Variants in SNAI3 observed in about 807,000 individuals in gnomAD.
SNAI3 encodes the protein zinc finger protein SNAI3.
SNAI3 carries 21 observed loss-of-function variants against 16.4 expected under a neutral mutation model. The ratio of observed to expected loss-of-function variants is 1.28; its 90% CI spans 0.91 to 1.85. The LOEUF is 1.85. Among genes scored for constraint, SNAI3 ranks in the 40% most tolerant of loss-of-function variants. The pLI, the probability that SNAI3 is intolerant of heterozygous loss-of-function variation, is 0.00. For synonymous variants in SNAI3, 202 were observed against 166.6 expected (o/e 1.21, Z -1.64); for missense variants, 457 against 372.8 (o/e 1.23, Z -1.86).
Position 88,681,652 on chromosome 16 carries a change from C to T in SNAI3, c.139G>A (p.Glu47Lys). ...LVVPLLPRDK[E>K]APSVPGDLPQ... Reference sequence around the variant, plus strand: ...AGGTCACCGGGCACAGAAGGGGCCTCCTTGTCTCGGGGGAGGAGGGGCACC... The same window carrying T: ...AGGTCACCGGGCACAGAAGGGGCCTTCTTGTCTCGGGGGAGGAGGGGCACC... The change falls in exon 2 of 3, where the codon GAG (glutamate) becomes AAG (lysine). Residue 47 changes from glutamate (E) to lysine (K), a missense_variant. By Grantham distance (56) the Glu-to-Lys change is moderately conservative. Transcript: ENST00000332281. This position sits in a 1 kb window ranked among gnomAD's most constrained non-coding sequence, Gnocchi z 5.4. The T allele has an allele frequency of 1.4e-6, 2 of 1,463,364 alleles. No homozygotes were observed. The highest frequency in any genetic ancestry group is 2.4e-5 in the East Asian group (1 of 41,702). The allele number at this position is 1,463,364 out of a possible 1,614,324, so 90.6% of individuals were successfully genotyped here. A position where few individuals can be genotyped will look rare whatever the true frequency, so the allele number is the denominator to read the frequency against.
At chr16:88,685,175 A>G (rs995101484) in intron 1 of SNAI3, 1 of 152,238 alleles carries the variant, frequency 6.6e-6, no homozygotes, top group Non-Finnish European at 1.5e-5. Context: ...CATACACATA[A>G]CAGAAGCCAG....
At chr16:88,682,076 T>A (rs1909192973) in intron 1 of SNAI3, among the ~76,000 whole-genome samples, 1 of 152,186 alleles carries the variant, frequency 6.6e-6, no homozygotes, top group South Asian at 2.1e-4. Context: ...GACCCTCTGA[T>A]GAGCCCCACC....
chr16:88,678,911 T>C (rs780595290), intron 2 of SNAI3: 249 of 985,280 alleles, frequency 2.5e-4, no homozygotes, highest in Non-Finnish European at 2.9e-4. Context: ...TGGGGGCCTC[T>C]GGCAGCTGTT....
Position 88,681,094 on chromosome 16 carries a change from C to T in SNAI3, c.697G>A (p.Gly233Arg). ...CTTGCAGACCTTCACCCTGTCCTAC[C>T]TGTGTGGGTGCGGACATGGCCCTGC... ...LLQGHVRTHT[G>R]EKPYACSHCS... Residue 233 changes from glycine to arginine, a missense_variant and splice_region_variant, in exon 2 of 3, where the codon GGG becomes AGG. Transcript: ENST00000332281. The surrounding 1 kb of genome is among the most constrained non-coding windows in gnomAD (Gnocchi z 5.4). 1.9e-6 allele frequency: 3 copies of T among 1,607,708 alleles called. No homozygotes were observed. The highest frequency in any genetic ancestry group is 2.6e-6 in the Non-Finnish European group (3 of 1,175,552).
In SNAI3 at chr16:88,681,567, C is replaced by A; in HGVS notation, c.224G>T (p.Arg75Leu). The part of the protein sequence containing the change: ...VACISLPLLP[R>L]IEEALGASGL... ...AGAGGCCCCCAGAGCTTCCTCGATCCGTGGCAGGAGGGGCAGGGAGATGCA... is the reference window on the plus strand; with the variant it reads ...AGAGGCCCCCAGAGCTTCCTCGATCAGTGGCAGGAGGGGCAGGGAGATGCA... The change falls in exon 2 of 3, where the codon CGG becomes CTG. Residue 75 changes from arginine to leucine, a missense_variant. By Grantham distance (102) the Arg-to-Leu change is moderately radical. Transcript: ENST00000332281. The surrounding 1 kb of genome is among the most constrained non-coding windows in gnomAD (Gnocchi z 5.4). 6.6e-7 allele frequency: 1 copy of A among 1,508,104 alleles called. No individual in the cohort carries two copies. The highest frequency in any genetic ancestry group is 1.4e-5 in the African/African-American group (1 of 71,636). 93.4% of individuals were successfully genotyped at this position (1,508,104 alleles called of 1,614,324 possible).
chr16:88,678,558 G>T lies in SNAI3; in HGVS notation c.769C>A (p.Gln257Lys). 1.2e-6 allele frequency: 1 copy of T among 837,998 alleles called. No individual in the cohort carries two copies. The allele number at this position is 837,998 out of a possible 1,614,324, so 51.9% of individuals were successfully genotyped here. ...ADRSNLRAHL[Q>K]THSDAKKYRC... is the part of the protein sequence containing the mutation. Reference sequence around the variant, plus strand: ...TACTTCTTGGCGTCTGAGTGCGTTTGCAGATGGGCCCGAAGGTTGGAGCGG... The same window carrying T: ...TACTTCTTGGCGTCTGAGTGCGTTTTCAGATGGGCCCGAAGGTTGGAGCGG... The change falls in exon 3 of 3, where the codon CAA becomes AAA. Residue 257 changes from glutamine to lysine, a missense_variant. Transcript: ENST00000332281.
intron 1 of SNAI3, among the ~76,000 whole-genome samples, chr16:88,682,762 ATTTTTTTTTTTTTT>A (rs71158747): frequency 5.3e-4 from 32 of 60,658 alleles, no homozygotes; most frequent in Non-Finnish European, 5.4e-4. Flanking sequence ...TGGGCAAGGG[ATTTTTTTTTTTTTT>A]TTTTTTTTTT....
intron 2 of SNAI3, among the ~76,000 whole-genome samples, chr16:88,680,139 TTA>T (rs1909116084): frequency 6.6e-6 from 1 of 151,818 alleles, no homozygotes; most frequent in African/African-American, 2.4e-5. Context: ...AGACTGAAGC[TTA>T]TTCCTGGCGC....
In SNAI3 at chr16:88,681,184, G is replaced by T; in HGVS notation, c.607C>A (p.Arg203Ser). Residue 203 changes from arginine to serine, a missense_variant, in exon 2 of 3, where the codon CGC becomes AGC. Physicochemically the swap from Arg to Ser is moderately radical, Grantham distance 110. Coordinates refer to ENST00000332281, the MANE Select transcript of SNAI3 (RefSeq NM_178310.4). This position sits in a 1 kb window ranked among gnomAD's most constrained non-coding sequence, Gnocchi z 5.4. ...CAGGTGCAGGGCAGCGTGTGAGTGC[G>T]GATGTGCATCTTGAGGGCACCCAGG... ...TSLGALKMHIRTHTLPCTCKI... is the reference protein window; with the variant it reads ...TSLGALKMHISTHTLPCTCKI... 1 of 1,613,918 alleles carries T rather than the reference G, an allele frequency of 6.2e-7. No individual in the cohort carries two copies.
In SNAI3 at chr16:88,679,127, C is replaced by G. The variant is rs1909074551; in HGVS notation, c.698-498G>C. 8 of 983,056 alleles carry G rather than the reference C, an allele frequency of 8.1e-6. No individual in the cohort carries two copies. The South Asian group carries it at 2.8e-4, about 35-fold the overall frequency. The allele number at this position is 983,056 out of a possible 1,614,324, so 60.9% of individuals were successfully genotyped here. On this transcript the variant is annotated intron_variant, in intron 2 of 2. Transcript: ENST00000332281. ...GGAATCGTTTGTTCATTCCTGTAGC[C>G]CCATAGAGTCCTGAGAGACCTCAGC...
At chr16:88,680,393 C>T (rs1909126650) in intron 2 of SNAI3, among the ~76,000 whole-genome samples, 1 of 128,812 alleles carries the variant, frequency 7.8e-6, no homozygotes, top group African/African-American at 2.9e-5. Context: ...TCAAATGATT[C>T]TCCTGCCTCA....
intron 2 of SNAI3, among the ~76,000 whole-genome samples, chr16:88,679,481 G>C (rs1373065521): frequency 6.6e-6 from 1 of 152,206 alleles, no homozygotes; most frequent in Non-Finnish European, 1.5e-5. Flanking sequence ...GAACTAGCAG[G>C]CCGGGCGCAG....
At chr16:88,683,579 T>G (rs1302914036) in intron 1 of SNAI3, among the ~76,000 whole-genome samples, 2 of 115,074 alleles carry the variant, frequency 1.7e-5, no homozygotes, top group Non-Finnish European at 3.5e-5. Flanking sequence ...TTTTTTGAGC[T>G]GGAGTCTCAC....
Position 88,686,281 on chromosome 16 carries a change from C to A in SNAI3, c.76+50G>T, listed in dbSNP as rs769900165. ...CCCAGGGGCCTCTCTCTCTCTCCCG[C>A]CCCTCAGGGTCGAGTCCCGGCAGGG... On this transcript the variant is annotated intron_variant, in intron 1 of 2. Coordinates refer to ENST00000332281, the MANE Select transcript of SNAI3 (RefSeq NM_178310.4). 3 of 1,594,058 alleles carry A rather than the reference C, an allele frequency of 1.9e-6. No homozygotes were observed. In the African/African-American group the frequency reaches 4.0e-5, roughly 21 times the overall value.
intron 1 of SNAI3, chr16:88,686,122 T>G: frequency 1.7e-6 from 1 of 582,836 alleles, no homozygotes; most frequent in Non-Finnish European, 3.0e-6. Flanking sequence ...CCGCCCGCCC[T>G]GCCGGAGGCG....
intron 2 of SNAI3, among the ~76,000 whole-genome samples, chr16:88,679,510 C>T (rs1470687230): frequency 1.3e-5 from 2 of 152,118 alleles, no homozygotes; most frequent in African/African-American, 4.8e-5. Context: ...ACCTGTAATC[C>T]CAGCACTTTG....
In SNAI3 at chr16:88,681,093, C is replaced by T. The variant is rs757628728; in HGVS notation, c.697+1G>A. 1.9e-6 allele frequency: 3 copies of T among 1,607,394 alleles called. No homozygotes were observed. The African/African-American group carries it at 4.0e-5, about 21-fold the overall frequency. The stretch of plus-strand genomic sequence containing the variant: ...CCTTGCAGACCTTCACCCTGTCCTA[C>T]CTGTGTGGGTGCGGACATGGCCCTG... On this transcript the variant is annotated splice_donor_variant, in intron 2 of 2. Transcript: ENST00000332281. LOFTEE classifies it high-confidence loss of function. The surrounding 1 kb of genome is among the most constrained non-coding windows in gnomAD (Gnocchi z 5.4).
rs200362667 is a variant in SNAI3 at position 88,678,408 on chromosome 16, G to T, written c.*40C>A. The T allele has an allele frequency of 5.6e-4, 404 of 721,072 alleles. No individual in the cohort carries two copies. The highest frequency in any genetic ancestry group is 8.5e-4 in the Non-Finnish European group (336 of 393,376). The allele number at this position is 721,072 out of a possible 1,614,324, so 44.7% of individuals were successfully genotyped here. ...GGCAGGAGGGACGCCAGCTCTCCCG[G>T]TGAGGACCATCCCTCCTACCTGCGC... is the stretch of plus-strand genomic sequence containing the variant. On this transcript the variant is annotated 3_prime_UTR_variant, in exon 3 of 3. Transcript: ENST00000332281.
Position 88,681,591 on chromosome 16 carries a change from C to A in SNAI3, c.200G>T (p.Cys67Phe), listed in dbSNP as rs1035029749. 1.4e-5 allele frequency: 21 copies of A among 1,502,398 alleles called. No individual in the cohort carries two copies. Among genetic ancestry groups the A allele is most frequent in the African/African-American group, 2.8e-5 (2 of 71,386 alleles). The allele number at this position is 1,502,398 out of a possible 1,614,324, so 93.1% of individuals were successfully genotyped here. A position where few individuals can be genotyped will look rare whatever the true frequency, so the allele number is the denominator to read the frequency against. Residue 67 changes from cysteine (C) to phenylalanine (F), a missense_variant, in exon 2 of 3, where the codon TGC becomes TTC. By Grantham distance (205) the Cys-to-Phe change is radical. Transcript: ENST00000332281. The surrounding 1 kb of genome is among the most constrained non-coding windows in gnomAD (Gnocchi z 5.4). The stretch of plus-strand genomic sequence containing the variant: ...CCGTGGCAGGAGGGGCAGGGAGATG[C>A]AGGCGACGGCCGAGGAGCGGTCCCA... ...QPWDRSSAVA[C>F]ISLPLLPRIE...
Sources: gnomAD v4.1 joint callset for allele counts (sites outside exome capture counted in the v4.1 genomes callset) on GRCh38, gnomAD v4.1.1 for gene constraint, Gnocchi (gnomAD v3.1) non-coding constraint, MANE v1.5 for transcripts, NCBI Gene and HGNC (gene_info 2026-07-23, HGNC 2026-07-21) for gene names.